ARAP2: variants seen among roughly 807,000 people sequenced by gnomAD.
ARAP2 encodes ArfGAP with RhoGAP domain, ankyrin repeat and PH domain 2, also known as arf-GAP with Rho-GAP domain, ANK repeat and PH domain-containing protein 2.
In ARAP2, 148 loss-of-function variants were observed where a neutral mutation model predicts 194.5. The observed-to-expected ratio is 0.76, with a 90% CI of 0.67 to 0.87. The LOEUF (loss-of-function observed/expected upper bound fraction) is 0.87, where lower values mean the gene tolerates loss of function less well. Among genes scored for constraint, ARAP2 ranks in the 40% least tolerant of loss-of-function variants. ARAP2 has a pLI of 0.00. For synonymous variants in ARAP2, 695 were observed against 683.5 expected (o/e 1.02, Z -0.26); for missense variants, 2,128 against 1,989.7 (o/e 1.07, Z -1.32).
intron 16 of ARAP2, among the ~76,000 whole-genome samples, chr4:36,149,751 CAATT>C (rs1463638721): frequency 1.3e-5 from 2 of 151,936 alleles, no homozygotes; most frequent in South Asian, 2.1e-4. Context: ...AAAAACAAGT[CAATT>C]AATAATCAGT....
intron 2 of ARAP2, among the ~76,000 whole-genome samples, chr4:36,227,077 T>C (rs1170042772): frequency 1.3e-5 from 2 of 152,196 alleles, no homozygotes; most frequent in Non-Finnish European, 2.9e-5. Flanking sequence ...CCAATCAACA[T>C]TTTCAACAAT....
chr4:36,156,439 G>A (rs1732515739), intron 15 of ARAP2, among the ~76,000 whole-genome samples: 1 of 14,500 alleles, frequency 6.9e-5, no homozygotes, highest in Admixed American at 5.1e-4. Flanking sequence ...AAGAAAGAAA[G>A]AAAGAGAAAG....
chr4:36,120,518 T>C (rs1330394661), intron 23 of ARAP2, among the ~76,000 whole-genome samples: 2 of 151,474 alleles, frequency 1.3e-5, no homozygotes, highest in African/African-American at 4.8e-5. Context: ...GTTCAAAAGG[T>C]TAAATGACAA....
intron 8 of ARAP2, among the ~76,000 whole-genome samples, chr4:36,184,337 G>A (rs1198826782): frequency 6.6e-6 from 1 of 151,758 alleles, no homozygotes; most frequent in Non-Finnish European, 1.5e-5. Flanking sequence ...AAAATCATGA[G>A]TTGTTACTAT....
chr4:36,150,597 G>C (rs750603002), intron 16 of ARAP2, among the ~76,000 whole-genome samples: 1 of 151,564 alleles, frequency 6.6e-6, no homozygotes, highest in African/African-American at 2.4e-5. Context: ...AGCCGAGATC[G>C]CCTACTGCAC....
At chr4:36,105,131 C>G (rs1439055794) in intron 27 of ARAP2, among the ~76,000 whole-genome samples, 1 of 151,954 alleles carries the variant, frequency 6.6e-6, no homozygotes, top group Non-Finnish European at 1.5e-5. Context: ...ACCAGCCTGG[C>G]TAACATGGTG....
intron 6 of ARAP2, among the ~76,000 whole-genome samples, chr4:36,201,083 A>G (rs990709250): frequency 6.6e-6 from 1 of 152,244 alleles, no homozygotes; most frequent in Non-Finnish European, 1.5e-5. Flanking sequence ...GGTAATAAAA[A>G]TAGCAAACAC....
At position 36,066,085 on chromosome 4, in the gene ARAP2, G is replaced by T. The variant is rs1386913939; in HGVS notation, c.*1822C>A. ...CCCTTATCTCTCACACTTGAAAAAT[G>T]GAGACAGTTGTTCAGAATAGAAAGG... On this transcript the variant is annotated 3_prime_UTR_variant, in exon 33 of 33. Coordinates refer to ENST00000303965, the MANE Select transcript of ARAP2 (RefSeq NM_015230.4). 6.6e-6 allele frequency: 1 copy of T among 152,106 alleles called. No homozygotes were observed. Among genetic ancestry groups the T allele is most frequent in the Non-Finnish European group, 1.5e-5 (1 of 68,038 alleles). The allele number at this position is 152,106 out of a possible 1,614,324, so 9.4% of individuals were successfully genotyped here.
intron 28 of ARAP2, among the ~76,000 whole-genome samples, chr4:36,085,976 C>T (rs549290482): frequency 4.6e-5 from 7 of 152,128 alleles, no homozygotes; most frequent in African/African-American, 1.7e-4. Flanking sequence ...ACAATTTGAA[C>T]TGTCTAGTAT....
intron 9 of ARAP2, among the ~76,000 whole-genome samples, chr4:36,011,176 C>T (rs6833638): frequency 0.17 from 25,153 of 151,942 alleles, 4,580 homozygotes; most frequent in African/African-American, 0.46. Context: ...GAGAAATAAC[C>T]CTACTCTTTT....
intron 6 of ARAP2, among the ~76,000 whole-genome samples, chr4:36,198,951 C>T (rs1743776024): frequency 6.6e-6 from 1 of 152,146 alleles, no homozygotes; most frequent in Non-Finnish European, 1.5e-5. Flanking sequence ...GTAGCTACAC[C>T]CAGGAGAGCA....
chr4:36,238,805 T>A (rs1389756562), intron 1 of ARAP2, among the ~76,000 whole-genome samples: 1 of 152,188 alleles, frequency 6.6e-6, no homozygotes, highest in East Asian at 1.9e-4. Context: ...TTTGCATCTA[T>A]CACTGCAGAA....
intron 20 of ARAP2, among the ~76,000 whole-genome samples, chr4:36,130,858 G>A (rs1170540977): frequency 6.6e-6 from 1 of 151,926 alleles, no homozygotes; most frequent in East Asian, 1.9e-4. Context: ...GTTTGAGATA[G>A]TATATCCCCA....
intron 22 of ARAP2, among the ~76,000 whole-genome samples, chr4:36,121,986 T>C (rs1476344395): frequency 6.6e-6 from 1 of 151,644 alleles, no homozygotes; most frequent in Non-Finnish European, 1.5e-5. Context: ...GCTATAACAC[T>C]GGGGTCTTAA....
intron 2 of ARAP2, 24 bp from the exon 3 acceptor site, chr4:36,214,504 C>T (rs201238330): frequency 4.0e-6 from 6 of 1,514,816 alleles, no homozygotes; most frequent in Non-Finnish European, 5.4e-6. Flanking sequence ...GGAGAAAATA[C>T]TTATGAGTGA....
intron 1 of ARAP2, among the ~76,000 whole-genome samples, chr4:36,059,847 G>A (rs182384599): frequency 3.7e-4 from 56 of 152,258 alleles, no homozygotes; most frequent in Non-Finnish European, 4.1e-4. Flanking sequence ...GGTCATTACA[G>A]TCATGAATAA....
chr4:36,054,094 C>A (rs976243715), intron 2 of ARAP2, among the ~76,000 whole-genome samples: 1 of 152,196 alleles, frequency 6.6e-6, no homozygotes, highest in Non-Finnish European at 1.5e-5. Context: ...ATGCCTTTCA[C>A]ACCGTGAATG....
At position 36,229,326 on chromosome 4, in the gene ARAP2, G is replaced by A; in HGVS notation, c.161C>T (p.Thr54Ile). 6.2e-7 allele frequency: 1 copy of A among 1,614,084 alleles called. No individual in the cohort carries two copies. Among genetic ancestry groups the A allele is most frequent in the Non-Finnish European group, 8.5e-7 (1 of 1,179,994 alleles). ...SLLQKIGISP[T>I]GHRRRILKQL... Reference sequence around the variant, plus strand: ...TTTAAGTATCCTCCTACGGTGACCTGTAGGTGATATTCCAATTTTCTGCAG... The same window carrying A: ...TTTAAGTATCCTCCTACGGTGACCTATAGGTGATATTCCAATTTTCTGCAG... Residue 54 changes from threonine to isoleucine, a missense_variant, in exon 2 of 33, where the codon ACA becomes ATA. Transcript: ENST00000303965.
chr4:36,231,901 G>A (rs538585123), intron 1 of ARAP2, among the ~76,000 whole-genome samples: 2 of 152,156 alleles, frequency 1.3e-5, no homozygotes, highest in Non-Finnish European at 2.9e-5. Context: ...TGTACTTGGA[G>A]ACAGGGCCTC....
Sources: allele counts gnomAD v4.1 joint callset (sites outside exome capture counted in the v4.1 genomes callset), GRCh38; gene constraint gnomAD v4.1.1; transcripts MANE v1.5; gene names NCBI Gene and HGNC (gene_info 2026-07-23, HGNC 2026-07-21).